The following AGFG2 variants were observed in gnomAD, a reference collection of about 807,000 sequenced individuals.
AGFG2 encodes the protein ArfGAP with FG repeats 2.
Under a neutral mutation model 48.0 loss-of-function variants are expected in AGFG2, and 31 were observed. The ratio of observed to expected loss-of-function variants is 0.65; its 90% confidence interval spans 0.49 to 0.87. AGFG2 has a LOEUF of 0.87. Among genes scored for constraint, AGFG2 ranks in the 40% least tolerant of loss-of-function variants. The pLI, the probability that AGFG2 is intolerant of heterozygous loss-of-function variation, is 0.00. For synonymous variants in AGFG2, 229 were observed against 260.8 expected (o/e 0.88, Z 1.18); for missense variants, 599 against 632.6 (o/e 0.95, Z 0.57).
In AGFG2 at chr7:100,564,256, C is replaced by T. The variant is rs756340238; in HGVS notation, c.1339C>T (p.Gln447Ter). 1.2e-6 allele frequency: 2 copies of T among 1,613,742 alleles called. No homozygotes were observed. The highest frequency in any genetic ancestry group is 1.1e-5 in the South Asian group (1 of 90,932). ...GGACTTAGGATCAGCCAAGTTGGGGCAGAGGCCACTGAGCCAGCCAGCTGG... is the reference window on the plus strand; with the variant it reads ...GGACTTAGGATCAGCCAAGTTGGGGTAGAGGCCACTGAGCCAGCCAGCTGG... ...FGDLGSAKLGQRPLSQPAGIS... is the reference protein window; with the variant it reads ...FGDLGSAKLG The change falls in exon 11 of 12, where the codon CAG (glutamine) becomes TAG (stop). Residue 447 changes from glutamine (Q) to a stop codon, truncating the protein, a stop_gained. Transcript: ENST00000300176. LOFTEE classifies it high-confidence loss of function.
intron 6 of AGFG2, chr7:100,556,157 C>T: frequency 5.0e-6 from 1 of 199,172 alleles, no homozygotes; most frequent in East Asian, 1.3e-4. Context: ...GGCCTGTAAA[C>T]TCTATGTTGC....
intron 3 of AGFG2, among the ~76,000 whole-genome samples, chr7:100,552,015 G>A (rs1193675335): frequency 2.0e-5 from 3 of 151,468 alleles, no homozygotes; most frequent in South Asian, 2.1e-4. Context: ...AGACCGAGGC[G>A]GGTGGATCAC....
rs1025214286 is a variant in AGFG2 at position 100,562,020 on chromosome 7, C to T, written c.878-239C>T. On this transcript the variant is annotated intron_variant, in intron 6 of 11. Transcript: ENST00000300176. The surrounding 1 kb of genome is among the most constrained non-coding windows in gnomAD (Gnocchi z 5.4). Reference sequence around the variant, plus strand: ...AGCTGCTTTCCTCTCCGCAGCGCAGCTTTGAGCGCAGGGGACACGGAGAAG... The same window carrying T: ...AGCTGCTTTCCTCTCCGCAGCGCAGTTTTGAGCGCAGGGGACACGGAGAAG... 3.3e-5 allele frequency among the ~76,000 whole-genome samples: 5 copies of T among 152,074 alleles called. No individual in the cohort carries two copies. Among genetic ancestry groups the T allele is most frequent in the African/African-American group, 9.7e-5 (4 of 41,416 alleles).
Position 100,563,931 on chromosome 7 carries a change from C to T in AGFG2, c.1269C>T (p.Pro423=). The stretch of plus-strand genomic sequence containing the variant: ...GCTCCTTCCCAGCACCGCTGTTCCC[C>T]CCGCAGACCCCGCTTGTTCAGCAGC... ...FASSFPAPLF[P]PQTPLVQQQN... Residue 423 remains proline, a synonymous_variant, in exon 10 of 12, where the codon CCC becomes CCT. Coordinates refer to ENST00000300176, the MANE Select transcript of AGFG2 (RefSeq NM_006076.5). 1.9e-6 allele frequency: 3 copies of T among 1,608,554 alleles called. No individual in the cohort carries two copies. The highest frequency in any genetic ancestry group is 1.1e-5 in the South Asian group (1 of 91,010).
Position 100,562,649 on chromosome 7 carries a change from G to A in AGFG2, c.1054G>A (p.Gly352Ser), listed in dbSNP as rs527425473. 4.2e-5 allele frequency: 67 copies of A among 1,610,226 alleles called. No homozygotes were observed. The highest frequency in any genetic ancestry group is 4.0e-4 in the Admixed American group (24 of 59,974). The change falls in exon 8 of 12, where the codon GGC (glycine) becomes AGC (serine). Residue 352 changes from glycine to serine, a missense_variant. Physicochemically the swap from Gly to Ser is moderately conservative, Grantham distance 56. Coordinates refer to ENST00000300176, the MANE Select transcript of AGFG2 (RefSeq NM_006076.5). The surrounding 1 kb of genome is among the most constrained non-coding windows in gnomAD (Gnocchi z 5.4). ...GCTCCAGTCTGTCACGATGGGCGGC[G>A]GCGGCGGCAGCAGCACAGGGCTGGC... Reference protein sequence around the residue: ...PPLQSVTMGGGGGSSTGLAFG... With the variant: ...PPLQSVTMGGSGGSSTGLAFG...
At position 100,539,370 on chromosome 7, in the gene AGFG2, C is replaced by T. The variant is rs763595900; in HGVS notation, c.24C>T (p.Gly8=). 9 of 1,272,996 alleles carry T rather than the reference C, an allele frequency of 7.1e-6. No individual in the cohort carries two copies. The highest frequency in any genetic ancestry group is 8.9e-6 in the Non-Finnish European group (9 of 1,006,054). 78.9% of individuals were successfully genotyped at this position (1,272,996 alleles called of 1,614,324 possible). Residue 8 remains glycine (G), a synonymous_variant, in exon 1 of 12, where the codon GGC becomes GGT. Transcript: ENST00000300176. MVMAAKK[G]PGPGGGVSGG... ...CGATGGTGATGGCGGCGAAGAAGGG[C>T]CCGGGCCCGGGCGGCGGGGTCAGCG... is the stretch of plus-strand genomic sequence containing the variant.
intron 2 of AGFG2, among the ~76,000 whole-genome samples, chr7:100,549,612 C>T: frequency 6.6e-6 from 1 of 152,182 alleles, no homozygotes; most frequent in East Asian, 1.9e-4. Flanking sequence ...TCTGCGAGGA[C>T]AGGAATCATA....
chr7:100,560,621 G>A (rs1800845615), intron 6 of AGFG2, among the ~76,000 whole-genome samples: 1 of 152,156 alleles, frequency 6.6e-6, no homozygotes, highest in Non-Finnish European at 1.5e-5. Context: ...AGGCATTTAG[G>A]AAGGAGGTGG....
intron 1 of AGFG2, among the ~76,000 whole-genome samples, chr7:100,542,709 T>TGGCTCCATGGTGGCAC (rs1477054198): frequency 6.6e-6 from 1 of 152,196 alleles, no homozygotes; most frequent in Non-Finnish European, 1.5e-5. Context: ...TCTGGAGGCA[T>TGGCTCCATGGTGGCAC]GGCTCCATGG....
rs1221467674 is a variant in AGFG2, at chr7:100,563,818, G to A, written c.1172-16G>A. The A allele has an allele frequency of 1.2e-5, 19 of 1,610,350 alleles. 1 individual carries two copies. In the East Asian group the frequency reaches 2.2e-4, roughly 19 times the overall value. ...TTCCAGAAGTTCACCTGAGCCTCCCGTCTTTCACTCCATAGGGCCCGGCTT... is the reference window on the plus strand; with the variant it reads ...TTCCAGAAGTTCACCTGAGCCTCCCATCTTTCACTCCATAGGGCCCGGCTT... On this transcript the variant is annotated splice_polypyrimidine_tract_variant and intron_variant, in intron 9 of 11. Transcript: ENST00000300176.
At chr7:100,561,521 C>T (rs1403924611) in intron 6 of AGFG2, among the ~76,000 whole-genome samples, 1 of 152,238 alleles carries the variant, frequency 6.6e-6, no homozygotes, top group African/African-American at 2.4e-5. Context: ...CTTTGATGTG[C>T]AGACAGGAGG....
chr7:100,555,561 C>T, intron 5 of AGFG2, 49 bp from the exon 6 acceptor site: 2 of 1,586,084 alleles, frequency 1.3e-6, no homozygotes, highest in East Asian at 2.3e-5. Context: ...GCGTGAGCTA[C>T]CACACCCGAC....
At chr7:100,563,363 T>C (rs1471782739) in intron 9 of AGFG2, among the ~76,000 whole-genome samples, 10 of 152,174 alleles carry the variant, frequency 6.6e-5, no homozygotes, top group Admixed American at 6.5e-4. Flanking sequence ...CAGCCTCTGC[T>C]GCTCTCCCCT....
At chr7:100,563,547 C>T (rs1306814836) in intron 9 of AGFG2, among the ~76,000 whole-genome samples, 10 of 152,178 alleles carry the variant, frequency 6.6e-5, no homozygotes, top group African/African-American at 1.9e-4. Context: ...GCACAGACAG[C>T]GTTAGAAGTT....
chr7:100,551,658 C>G (rs1433057035), intron 3 of AGFG2, among the ~76,000 whole-genome samples: 1 of 149,262 alleles, frequency 6.7e-6, no homozygotes, highest in Non-Finnish European at 1.5e-5. Flanking sequence ...CTGAGGTGGG[C>G]AGACCACTTG....
At chr7:100,561,868 T>A (rs2131123510) in intron 6 of AGFG2, among the ~76,000 whole-genome samples, 1 of 152,294 alleles carries the variant, frequency 6.6e-6, no homozygotes, top group African/African-American at 2.4e-5. Flanking sequence ...TGCCTGCCCC[T>A]CCCTGCCATG....
At chr7:100,548,699 T>G in intron 1 of AGFG2, 123 bp from the exon 2 acceptor site, 1 of 653,300 alleles carries the variant, frequency 1.5e-6, no homozygotes, top group Non-Finnish European at 2.7e-6. Context: ...GATGGGGGGG[T>G]TCTATCTGAG....
At chr7:100,545,841 A>G (rs987936480) in intron 1 of AGFG2, among the ~76,000 whole-genome samples, 14 of 152,216 alleles carry the variant, frequency 9.2e-5, no homozygotes, top group African/African-American at 3.1e-4. Context: ...TTTAGCTACC[A>G]GGAGGAAGGG....
intron 1 of AGFG2, among the ~76,000 whole-genome samples, chr7:100,544,244 G>A (rs936584950): frequency 1.3e-5 from 2 of 152,082 alleles, no homozygotes; most frequent in East Asian, 1.9e-4. Context: ...TCAATCCATC[G>A]TTCTTCAGGT....
Sources: gnomAD v4.1 joint callset for allele counts (sites outside exome capture counted in the v4.1 genomes callset) on GRCh38, gnomAD v4.1.1 for gene constraint, Gnocchi (gnomAD v3.1) non-coding constraint, MANE v1.5 for transcripts, NCBI Gene and HGNC (gene_info 2026-07-23, HGNC 2026-07-21) for gene names.